FASTKD1: variants seen among roughly 807,000 people sequenced by gnomAD.
FASTKD1 encodes the protein FAST kinase domain-containing protein 1, mitochondrial.
Under a neutral mutation model 90.9 loss-of-function variants are expected in FASTKD1, and 94 were observed. The ratio of observed to expected loss-of-function variants is 1.03; its 90% CI spans 0.88 to 1.23. FASTKD1 has a LOEUF of 1.23. FASTKD1 is among the 50% of genes most tolerant of loss of function. The pLI is 0.00. For synonymous variants in FASTKD1, 319 were observed against 345.8 expected (o/e 0.92, Z 0.86); for missense variants, 945 against 993.5 (o/e 0.95, Z 0.66).
At chr2:169,560,271 C>A in intron 5 of FASTKD1, 116 bp downstream of exon 5, 1 of 684,354 alleles carries the variant, frequency 1.5e-6, no homozygotes, top group Non-Finnish European at 2.3e-6. Flanking sequence ...AGATTATTTT[C>A]CCTTCCACAA....
At chr2:169,541,706 T>C (rs1684964230) in intron 9 of FASTKD1, among the ~76,000 whole-genome samples, 1 of 152,190 alleles carries the variant, frequency 6.6e-6, no homozygotes, top group Non-Finnish European at 1.5e-5. Flanking sequence ...ATCCCTAATG[T>C]AGAGCCTAAC....
chr2:169,546,795 G>T, intron 7 of FASTKD1, 91 bp from the exon 8 acceptor site: 1 of 1,252,880 alleles, frequency 8.0e-7, no homozygotes, highest in Non-Finnish European at 1.1e-6. Flanking sequence ...CAATTAATAG[G>T]TAAGATGATG....
At chr2:169,533,913 G>A (rs1276842027) in intron 12 of FASTKD1, among the ~76,000 whole-genome samples, 1 of 152,096 alleles carries the variant, frequency 6.6e-6, no homozygotes, top group East Asian at 1.9e-4. Flanking sequence ...GCTCACACCT[G>A]TTATCCTAGC....
chr2:169,546,370 G>A lies in FASTKD1; in HGVS notation c.1549C>T (p.Leu517Phe). The change falls in exon 8 of 15, where the codon CTT (leucine) becomes TTT (phenylalanine). Residue 517 changes from leucine (L) to phenylalanine (F), a missense_variant. By Grantham distance (22) the Leu-to-Phe change is conservative. Transcript: ENST00000453153. The part of the protein sequence containing the change: ...LKGNTFPESL[L>F]EEMIATLQHF... ...TGTAAAGTAGCAATCATTTCTTCAA[G>A]AAGTGACTCAGGAAACGTGTTTCCT... is the stretch of plus-strand genomic sequence containing the variant. 1 of 1,614,078 alleles carries A rather than the reference G, an allele frequency of 6.2e-7. No individual in the cohort carries two copies. The highest frequency in any genetic ancestry group is 8.5e-7 in the Non-Finnish European group (1 of 1,180,010).
intron 3 of FASTKD1, among the ~76,000 whole-genome samples, chr2:169,567,006 T>C (rs982130542): frequency 1.3e-5 from 2 of 152,046 alleles, no homozygotes; most frequent in Non-Finnish European, 2.9e-5. Context: ...TCCCAGCTAC[T>C]TGGGAGGTTG....
intron 5 of FASTKD1, among the ~76,000 whole-genome samples, chr2:169,558,792 T>C (rs1034688748): frequency 6.6e-6 from 1 of 151,768 alleles, no homozygotes; most frequent in Non-Finnish European, 1.5e-5. Context: ...TTTCACCATG[T>C]TGGCCAGGCT....
chr2:169,534,567 C>A (rs1415468066), intron 12 of FASTKD1, among the ~76,000 whole-genome samples: 1 of 147,610 alleles, frequency 6.8e-6, no homozygotes. Context: ...TCAAGCGATT[C>A]TCCTGCCTCA....
At chr2:169,557,127 A>G in intron 6 of FASTKD1, 60 bp downstream of exon 6, 1 of 1,106,796 alleles carries the variant, frequency 9.0e-7, no homozygotes, top group Non-Finnish European at 1.4e-6. Flanking sequence ...TTTTCCTTAG[A>G]AAAAAATAGG....
intron 7 of FASTKD1, among the ~76,000 whole-genome samples, chr2:169,554,862 A>G (rs1441850985): frequency 6.6e-6 from 1 of 152,186 alleles, no homozygotes; most frequent in African/African-American, 2.4e-5. Context: ...GCAGGAAAGG[A>G]GAATGGCTTT....
intron 5 of FASTKD1, among the ~76,000 whole-genome samples, chr2:169,558,298 T>C (rs952980888): frequency 6.6e-6 from 1 of 152,196 alleles, no homozygotes; most frequent in Non-Finnish European, 1.5e-5. Context: ...TCTCACTCTG[T>C]TGCCCAGGCT....
In FASTKD1 at chr2:169,529,784, GT is replaced by G. The variant is rs753210393; in HGVS notation, c.*40del. ...GAGACAGGCCACTTTATTAAAATAG[GT>G]CCAAATGTAACACACGATAACATTC... is the stretch of plus-strand genomic sequence containing the variant. On this transcript the variant is annotated 3_prime_UTR_variant, in exon 15 of 15. Coordinates refer to ENST00000453153, the MANE Select transcript of FASTKD1 (RefSeq NM_024622.6). 4.1e-5 allele frequency: 57 copies of G among 1,398,534 alleles called. No individual in the cohort carries two copies. The highest frequency in any genetic ancestry group is 8.6e-5 in the South Asian group (7 of 81,716). The allele number at this position is 1,398,534 out of a possible 1,614,324, so 86.6% of individuals were successfully genotyped here. A position where few individuals can be genotyped will look rare whatever the true frequency, so the allele number is the denominator to read the frequency against.
chr2:169,561,608 C>A (rs1014786035), intron 4 of FASTKD1, among the ~76,000 whole-genome samples: 3 of 150,594 alleles, frequency 2.0e-5, no homozygotes, highest in Non-Finnish European at 3.0e-5. Flanking sequence ...AGAAAGTATT[C>A]CCAGATGGAA....
chr2:169,556,963 T>C (rs1286422529), intron 6 of FASTKD1, among the ~76,000 whole-genome samples: 1 of 150,106 alleles, frequency 6.7e-6, no homozygotes, highest in Non-Finnish European at 1.5e-5. Context: ...GCAGAGATAG[T>C]GCCACTGCAC....
rs536900262 is a variant in FASTKD1 at position 169,559,043 on chromosome 2, T to C, written c.971+1344A>G. ...AGGCTGGAGTGTAATGGCGCGATCT[T>C]GGCTTACTGCAACCTGCACCTCCCG... On this transcript the variant is annotated intron_variant, in intron 5 of 14. Transcript: ENST00000453153. Among the ~76,000 whole-genome samples the C allele has an allele frequency of 6.6e-5, 10 of 151,604 alleles. No individual in the cohort carries two copies. In the South Asian group the frequency reaches 2.1e-3, roughly 32 times the overall value.
chr2:169,554,983 G>A, intron 7 of FASTKD1, 141 bp downstream of exon 7: 1 of 714,158 alleles, frequency 1.4e-6, no homozygotes, highest in Non-Finnish European at 2.2e-6. Flanking sequence ...GGCCACGGAG[G>A]GAGATAGTGT....
rs1360288394 is a variant in FASTKD1, at chr2:169,571,812, T to C, written c.218A>G (p.Asp73Gly). The C allele has an allele frequency of 1.2e-6, 2 of 1,614,094 alleles. No homozygotes were observed. The highest frequency in any genetic ancestry group is 1.7e-6 in the Non-Finnish European group (2 of 1,179,996). ...LSEKQVGCAFDMLWKLQKQKT... is the reference protein window; with the variant it reads ...LSEKQVGCAFGMLWKLQKQKT... ...CTGCTTTTGAAGCTTCCAAAGCATA[T>C]CAAATGCACATCCCACTTGCTTTTC... is the stretch of plus-strand genomic sequence containing the variant. Residue 73 changes from aspartate to glycine, a missense_variant, in exon 2 of 15, where the codon GAT becomes GGT. Asp to Gly is a moderately conservative substitution (Grantham distance 94). Transcript: ENST00000453153.
intron 12 of FASTKD1, among the ~76,000 whole-genome samples, chr2:169,534,183 C>CAAAAAAAAA (rs71003097): frequency 2.2e-5 from 1 of 46,314 alleles, no homozygotes; most frequent in African/African-American, 9.6e-5. Context: ...GACCCTTTCT[C>CAAAAAAAAA]AAAAAAAAAA....
At chr2:169,534,063 C>CA (rs1434684979) in intron 12 of FASTKD1, among the ~76,000 whole-genome samples, 12 of 151,614 alleles carry the variant, frequency 7.9e-5, no homozygotes, top group Admixed American at 7.9e-4. Flanking sequence ...CCCAGCTACT[C>CA]AGGAGGCTGA....
In FASTKD1 at chr2:169,571,777, G is replaced by C. The variant is rs781189602; in HGVS notation, c.253C>G (p.Leu85Val). The change falls in exon 2 of 15, where the codon CTG becomes GTG. Residue 85 changes from leucine to valine, a missense_variant. By Grantham distance (32) the Leu-to-Val change is conservative. Coordinates refer to ENST00000453153, the MANE Select transcript of FASTKD1 (RefSeq NM_024622.6). ...CTGACATACTCAGCATTTTTTAACA[G>C]GCTGGTCTTCTGCTTTTGAAGCTTC... ...LWKLQKQKTS[L>V]LKNAEYVRDH... The C allele has an allele frequency of 3.1e-6, 5 of 1,614,056 alleles. No homozygotes were observed. Among genetic ancestry groups the C allele is most frequent in the Admixed American group, 3.3e-5 (2 of 60,014 alleles).
Sources: allele counts gnomAD v4.1 joint callset (sites outside exome capture counted in the v4.1 genomes callset), GRCh38; gene constraint gnomAD v4.1.1; transcripts MANE v1.5; gene names NCBI Gene and HGNC (gene_info 2026-07-23, HGNC 2026-07-21).